MS4A4E: variants seen among roughly 807,000 people sequenced by gnomAD.
MS4A4E encodes the protein membrane spanning 4-domains A4E, also known as putative membrane-spanning 4-domains subfamily A member 4E.
MS4A4E carries 23 observed loss-of-function variants against 13.3 expected under a neutral mutation model. That is an observed-to-expected ratio of 1.73 (90% confidence interval 1.25 to 2.45). The LOEUF is 2.45. MS4A4E is among the 30% of genes most tolerant of loss of function. The pLI is 0.00. For missense variants in MS4A4E, 144 were observed against 131.2 expected, an observed-to-expected ratio of 1.10 and a Z score of -0.48; for synonymous variants, 36 against 45.6, an observed-to-expected ratio of 0.79 and a Z score of 0.85.
intron 6 of MS4A4E, chr11:60,206,693 T>C: frequency 4.3e-6 from 1 of 232,188 alleles, no homozygotes; most frequent in Middle Eastern, 5.0e-4. Flanking sequence ...TCTTAAGTGG[T>C]GTGGGAGATG....
chr11:60,231,892 G>T (rs1218817413), intron 1 of MS4A4E, among the ~76,000 whole-genome samples: 1 of 152,054 alleles, frequency 6.6e-6, no homozygotes, highest in East Asian at 1.9e-4. Flanking sequence ...GGAGCATCTG[G>T]ATATATATCA....
chr11:60,204,537 G>C (rs924630091), intron 8 of MS4A4E, among the ~76,000 whole-genome samples: 1 of 152,178 alleles, frequency 6.6e-6, no homozygotes, highest in Admixed American at 6.5e-5. Flanking sequence ...TCTAAGAAAT[G>C]ATCTCCCTCT....
At chr11:60,215,531 AC>A (rs1211244797) in intron 3 of MS4A4E, among the ~76,000 whole-genome samples, 5 of 151,832 alleles carry the variant, frequency 3.3e-5, no homozygotes, top group Non-Finnish European at 7.4e-5. Flanking sequence ...AGTGACTTAA[AC>A]ATTATTGGTA....
At chr11:60,210,326 C>T (rs939632554) in intron 5 of MS4A4E, among the ~76,000 whole-genome samples, 1 of 152,002 alleles carries the variant, frequency 6.6e-6, no homozygotes, top group Non-Finnish European at 1.5e-5. Flanking sequence ...TTATGGAGGT[C>T]CCCTGCTATA....
intron 3 of MS4A4E, among the ~76,000 whole-genome samples, chr11:60,225,495 A>AG (rs2084329684): frequency 6.6e-6 from 1 of 152,190 alleles, no homozygotes; most frequent in African/African-American, 2.4e-5. Flanking sequence ...GAAGAAAAAA[A>AG]GAAGAGCAAA....
intron 5 of MS4A4E, among the ~76,000 whole-genome samples, chr11:60,211,154 C>G (rs923558690): frequency 2.6e-5 from 4 of 152,052 alleles, no homozygotes; most frequent in African/African-American, 9.7e-5. Context: ...GGTTCTTCTT[C>G]GGGATAGCAA....
At chr11:60,230,834 T>A (rs1352187549) in intron 1 of MS4A4E, among the ~76,000 whole-genome samples, 1 of 152,234 alleles carries the variant, frequency 6.6e-6, no homozygotes, top group Non-Finnish European at 1.5e-5. Context: ...GTATTTGAAT[T>A]GATATTCAGA....
intron 3 of MS4A4E, among the ~76,000 whole-genome samples, chr11:60,218,242 CTGATAAGATGTTATCAA>C (rs904632967): frequency 8.5e-5 from 13 of 152,282 alleles, no homozygotes; most frequent in Admixed American, 5.9e-4. Flanking sequence ...ACCCTGTCTC[CTGATAAGATGTTATCAA>C]TGACCATGGT....
intron 1 of MS4A4E, among the ~76,000 whole-genome samples, chr11:60,231,329 A>G (rs1241912959): frequency 6.6e-6 from 1 of 151,864 alleles, no homozygotes; most frequent in East Asian, 1.9e-4. Context: ...ATTAATAATA[A>G]GAAATAAATA....
chr11:60,234,801 TG>T (rs770164912), intron 1 of MS4A4E, among the ~76,000 whole-genome samples: 3 of 99,560 alleles, frequency 3.0e-5, no homozygotes, highest in Non-Finnish European at 6.0e-5. Context: ...AATAACAAAA[TG>T]GCACTACTAA....
chr11:60,240,594 G>T (rs182596177), intron 1 of MS4A4E, among the ~76,000 whole-genome samples: 3 of 152,060 alleles, frequency 2.0e-5, no homozygotes, highest in African/African-American at 7.3e-5. Flanking sequence ...ATCTATTATC[G>T]TAGCCTTACC....
intron 6 of MS4A4E, among the ~76,000 whole-genome samples, chr11:60,206,032 T>A (rs918811594): frequency 6.6e-6 from 1 of 152,184 alleles, no homozygotes; most frequent in Non-Finnish European, 1.5e-5. Context: ...ACTGAAATGA[T>A]AGCTTGTGCA....
intron 2 of MS4A4E, among the ~76,000 whole-genome samples, chr11:60,229,593 G>T (rs777685327): frequency 3.2e-4 from 48 of 152,186 alleles, no homozygotes; most frequent in Non-Finnish European, 6.6e-4. Context: ...AAGGCCTGTG[G>T]AGGGGGAGTC....
chr11:60,225,557 C>T (rs1007987711), intron 3 of MS4A4E, among the ~76,000 whole-genome samples: 3 of 152,160 alleles, frequency 2.0e-5, no homozygotes, highest in South Asian at 4.1e-4. Context: ...GAGTAAACAG[C>T]GTTCTTAAAA....
At chr11:60,236,103 T>C (rs557723747) in intron 1 of MS4A4E, among the ~76,000 whole-genome samples, 2 of 152,362 alleles carry the variant, frequency 1.3e-5, no homozygotes, top group South Asian at 4.1e-4. Flanking sequence ...TCTAGATGAT[T>C]CTATTCCATC....
intron 1 of MS4A4E, among the ~76,000 whole-genome samples, chr11:60,239,660 T>G (rs1209998263): frequency 1.3e-5 from 2 of 152,212 alleles, no homozygotes; most frequent in African/African-American, 4.8e-5. Context: ...TACAAGACTA[T>G]GTAGAGGTGG....
chr11:60,225,551 A>T (rs2084330368), intron 3 of MS4A4E, among the ~76,000 whole-genome samples: 1 of 152,230 alleles, frequency 6.6e-6, no homozygotes, highest in Admixed American at 6.5e-5. Context: ...GAACATGAGT[A>T]AACAGCGTTC....
At chr11:60,230,166 G>T in intron 1 of MS4A4E, 95 bp from the exon 2 acceptor site, 13 of 1,330,820 alleles carry the variant, frequency 9.8e-6, no homozygotes, top group Non-Finnish European at 1.3e-5. Context: ...GACAAAACCT[G>T]GTCTACATTC....
rs1439008235 is a variant in MS4A4E, at chr11:60,242,944, G to A, written c.-17+14C>T. 3 of 1,562,676 alleles carry A rather than the reference G, an allele frequency of 1.9e-6. No homozygotes were observed. Among genetic ancestry groups the A allele is most frequent in the South Asian group, 1.1e-5 (1 of 88,666 alleles). On this transcript the variant is annotated intron_variant, in intron 1 of 8. Coordinates refer to ENST00000651255, the MANE Select transcript of MS4A4E (RefSeq NM_001393391.1). ...TCAGTCCGAGAGCCTAGGAAGGCAA[G>A]TCCCTGGACCTACCTTTCTTCAGGC...
Sources: gnomAD v4.1 joint callset for allele counts (sites outside exome capture counted in the v4.1 genomes callset) on GRCh38, gnomAD v4.1.1 for gene constraint, MANE v1.5 for transcripts, NCBI Gene and HGNC (gene_info 2026-07-23, HGNC 2026-07-21) for gene names.